Variants in ZFHX4 observed in about 807,000 individuals in gnomAD.
ZFHX4 encodes the protein zinc finger homeobox 4, also known as zinc finger homeobox protein 4.
A neutral mutation model predicts 267.6 loss-of-function variants in ZFHX4; 56 were observed. The observed-to-expected ratio is 0.21, with a 90% CI of 0.17 to 0.26. ZFHX4 has a LOEUF of 0.26. Among genes scored for constraint, ZFHX4 ranks in the 10% least tolerant of loss-of-function variants. ZFHX4 has a pLI of 1.00. For missense variants in ZFHX4, 4,332 were observed against 4,420.0 expected (o/e 0.98, Z 0.56); for synonymous variants, 1,778 against 1,665.6 (o/e 1.07, Z -1.64).
At chr8:76,848,774 T>G (rs1322309585) in intron 6 of ZFHX4, among the ~76,000 whole-genome samples, 1 of 152,172 alleles carries the variant, frequency 6.6e-6, no homozygotes, top group Non-Finnish European at 1.5e-5. Flanking sequence ...TATCTAAACA[T>G]GAAACAGGAG....
Position 76,753,730 on chromosome 8 carries a change from T to C in ZFHX4, c.3094-24478T>C, listed in dbSNP as rs560872644. On this transcript the variant is annotated intron_variant, in intron 3 of 10. Coordinates refer to ENST00000651372, the MANE Select transcript of ZFHX4 (RefSeq NM_024721.5). ...AAGCTCCATCTCCAAGCTCAAGCTA[T>C]TCTCTCATCTCAGCCTCCTGAGTAG... Among the ~76,000 whole-genome samples the C allele has an allele frequency of 3.3e-5, 5 of 149,334 alleles. No individual in the cohort carries two copies. The South Asian group carries it at 1.1e-3, about 33-fold the overall frequency.
At chr8:76,813,349 A>C (rs1405962133) in intron 4 of ZFHX4, among the ~76,000 whole-genome samples, 1 of 152,156 alleles carries the variant, frequency 6.6e-6, no homozygotes, top group Non-Finnish European at 1.5e-5. Flanking sequence ...TATAAGAAGA[A>C]AAAGAACTTT....
Position 76,718,935 on chromosome 8 carries a change from TCACACA to T in ZFHX4, c.3093+10916_3093+10921del, listed in dbSNP as rs34486060. Among the ~76,000 whole-genome samples the T allele has an allele frequency of 5.0e-3, 711 of 141,356 alleles. 4 individuals carry two copies. Among genetic ancestry groups the T allele is most frequent in the Admixed American group, 6.5e-3 (92 of 14,092 alleles). The allele number at this position is 141,356 out of a possible 152,430, so 92.7% of individuals were successfully genotyped here. A position where few individuals can be genotyped will look rare whatever the true frequency, so the allele number is the denominator to read the frequency against. ...AAAGAAGAAAGTACACTGAAATTGA[TCACACA>T]CACACACACACACACACACACACAC... On this transcript the variant is annotated intron_variant, in intron 3 of 10. Transcript: ENST00000651372.
Position 76,863,143 on chromosome 8 carries a change from T to C in ZFHX4, c.9429T>C (p.Thr3143=), listed in dbSNP as rs1037343129. The part of the protein sequence containing the change: ...AGMLGFPTSA[T]SSPALSLSSA... ...TGCTTGGGTTTCCTACTTCAGCTAC[T>C]TCGTCTCCTGCCCTGTCTCTCAGCA... Residue 3143 remains threonine (T), a synonymous_variant, in exon 11 of 11, where the codon ACT becomes ACC. Transcript: ENST00000651372. 9.1e-6 allele frequency: 14 copies of C among 1,543,252 alleles called. No individual in the cohort carries two copies. Among genetic ancestry groups the C allele is most frequent in the Non-Finnish European group, 1.2e-5 (14 of 1,143,866 alleles).
chr8:76,760,280 G>T (rs942162452), intron 3 of ZFHX4, among the ~76,000 whole-genome samples: 2 of 152,098 alleles, frequency 1.3e-5, no homozygotes, highest in Non-Finnish European at 2.9e-5. Context: ...CTCACTCCAT[G>T]AAACAATATG....
chr8:76,835,231 A>ATATATATATATATATG (rs1563549050), intron 5 of ZFHX4, among the ~76,000 whole-genome samples: 1 of 124,790 alleles, frequency 8.0e-6, no homozygotes, highest in Non-Finnish European at 1.6e-5. Flanking sequence ...ATATATATAT[A>ATATATATATATATATG]TATATATATG....
chr8:76,791,507 C>A (rs944064358), intron 4 of ZFHX4, among the ~76,000 whole-genome samples: 1 of 152,046 alleles, frequency 6.6e-6, no homozygotes, highest in Admixed American at 6.6e-5. Context: ...TATTGGCATA[C>A]CAAATTTGAG....
intron 3 of ZFHX4, among the ~76,000 whole-genome samples, chr8:76,723,277 GCT>G (rs1170806582): frequency 1.3e-5 from 2 of 151,900 alleles, no homozygotes; most frequent in Non-Finnish European, 2.9e-5. Context: ...TATAAAATGG[GCT>G]CTGAGTTACC....
intron 3 of ZFHX4, among the ~76,000 whole-genome samples, chr8:76,722,543 G>A (rs1049350008): frequency 1.3e-5 from 2 of 151,574 alleles, no homozygotes; most frequent in African/African-American, 4.8e-5. Flanking sequence ...CTCAAGAAAA[G>A]TTTAAAACAA....
chr8:76,705,838 A>T lies in ZFHX4; in HGVS notation c.1750A>T (p.Ser584Cys), dbSNP rs553222602. The T allele has an allele frequency of 6.2e-7, 1 of 1,613,958 alleles. No individual in the cohort carries two copies. The highest frequency in any genetic ancestry group is 2.2e-5 in the East Asian group (1 of 44,858). The part of the protein sequence containing the change: ...PSEIARGDED[S>C]SATPHQHGFT... Reference sequence around the variant, plus strand: ...TGAAATAGCCCGGGGAGACGAAGACAGTTCAGCCACTCCTCACCAGCATGG... The same window carrying T: ...TGAAATAGCCCGGGGAGACGAAGACTGTTCAGCCACTCCTCACCAGCATGG... Residue 584 changes from serine (S) to cysteine (C), a missense_variant, in exon 2 of 11, where the codon AGT (serine) becomes TGT (cysteine). Physicochemically the swap from Ser to Cys is moderately radical, Grantham distance 112 (BLOSUM62 -1). Transcript: ENST00000651372.
At chr8:76,736,395 C>CTTT (rs1017093025) in intron 3 of ZFHX4, among the ~76,000 whole-genome samples, 8 of 152,006 alleles carry the variant, frequency 5.3e-5, no homozygotes, top group African/African-American at 1.7e-4. Flanking sequence ...TCTTAATAAA[C>CTTT]TTTTCCTTTT....
intron 1 of ZFHX4, chr8:76,693,644 CAAAG>C (rs1807879711): frequency 6.6e-6 from 1 of 152,080 alleles, no homozygotes; most frequent in African/African-American, 2.4e-5. Flanking sequence ...TATTTGTGAG[CAAAG>C]AAAGGTTTTA....
At chr8:76,701,109 T>A (rs1394318521) in intron 1 of ZFHX4, among the ~76,000 whole-genome samples, 1 of 152,170 alleles carries the variant, frequency 6.6e-6, no homozygotes, top group Non-Finnish European at 1.5e-5. Context: ...TGTCACTGTA[T>A]ATAAGGATCT....
Position 76,705,117 on chromosome 8 carries a change from T to C in ZFHX4, c.1029T>C (p.Ser343=). Reference sequence around the variant, plus strand: ...TTCTGGAACCAAAAAAATCCACTTCTGTTTATCCCCATTTTTCTACTACAA... The same window carrying C: ...TTCTGGAACCAAAAAAATCCACTTCCGTTTATCCCCATTTTTCTACTACAA... The part of the protein sequence containing the change: ...ISFLEPKKST[S]VYPHFSTTNL... The change falls in exon 2 of 11, where the codon TCT becomes TCC. Residue 343 remains serine (S), a synonymous_variant. Coordinates refer to ENST00000651372, the MANE Select transcript of ZFHX4 (RefSeq NM_024721.5). The C allele has an allele frequency of 6.2e-7, 1 of 1,613,656 alleles. No individual in the cohort carries two copies. Among genetic ancestry groups the C allele is most frequent in the Non-Finnish European group, 8.5e-7 (1 of 1,179,830 alleles).
chr8:76,751,257 T>C (rs1309596598), intron 3 of ZFHX4, among the ~76,000 whole-genome samples: 1 of 152,164 alleles, frequency 6.6e-6, no homozygotes, highest in Non-Finnish European at 1.5e-5. Context: ...TCTACATTAA[T>C]ATTTACCAAA....
chr8:76,749,476 C>T (rs1273684806), intron 3 of ZFHX4, among the ~76,000 whole-genome samples: 1 of 152,058 alleles, frequency 6.6e-6, no homozygotes, highest in Non-Finnish European at 1.5e-5. Context: ...ATGAGATGTT[C>T]AGAACTTTAG....
chr8:76,695,889 T>G (rs74996842), intron 1 of ZFHX4, among the ~76,000 whole-genome samples: 2,369 of 152,354 alleles, frequency 0.016, 70 homozygotes, highest in African/African-American at 0.053. Flanking sequence ...TGCCAACTAT[T>G]GTCTGTTTGC....
chr8:76,778,073 G>C (rs969521374), intron 3 of ZFHX4, 135 bp from the exon 4 acceptor site: 2 of 641,816 alleles, frequency 3.1e-6, no homozygotes, highest in African/African-American at 1.8e-5. Flanking sequence ...TGGTAGGCTG[G>C]GCTGCGTCTT....
At chr8:76,806,237 C>G in intron 4 of ZFHX4, among the ~76,000 whole-genome samples, 1 of 151,988 alleles carries the variant, frequency 6.6e-6, no homozygotes, top group East Asian at 1.9e-4. Context: ...AGACAAGATG[C>G]CTAGCTCCAA....
Sources: gnomAD v4.1 joint callset for allele counts (sites outside exome capture counted in the v4.1 genomes callset) on GRCh38, gnomAD v4.1.1 for gene constraint, MANE v1.5 for transcripts, NCBI Gene and HGNC (gene_info 2026-07-23, HGNC 2026-07-21) for gene names.